Variants in EFCAB12 observed in about 807,000 individuals in gnomAD.
The protein encoded by EFCAB12 is EF-hand calcium binding domain 12, also known as EF-hand calcium-binding domain-containing protein 12.
In EFCAB12, 43 loss-of-function variants were observed where a neutral mutation model predicts 53.6. The observed-to-expected ratio is 0.80, with a 90% confidence interval of 0.63 to 1.03. The LOEUF (loss-of-function observed/expected upper bound fraction) is 1.03. Among genes scored for constraint, EFCAB12 ranks in the 50% least tolerant of loss-of-function variants. The pLI, the probability that EFCAB12 is intolerant of heterozygous loss-of-function variation, is 0.00. For missense variants in EFCAB12, 646 were observed against 730.6 expected, an observed-to-expected ratio of 0.88 and a Z score of 1.34; for synonymous variants, 269 against 289.2, an observed-to-expected ratio of 0.93 and a Z score of 0.71.
Position 129,421,620 on chromosome 3 carries a change from T to C in EFCAB12, c.233A>G (p.Gln78Arg), listed in dbSNP as rs747302131. ...QTPLNPASQP[Q>R]APPKPIPSFK... ...GCTGGGGATGGGCTTTGGGGGAGCC[T>C]GAGGTTGGGATGCAGGATTAAGGGG... Residue 78 changes from glutamine to arginine, a missense_variant, in exon 2 of 9, where the codon CAG becomes CGG. Gln to Arg is a conservative substitution (Grantham distance 43). Coordinates refer to ENST00000505956, the MANE Select transcript of EFCAB12 (RefSeq NM_207307.3). 6.2e-7 allele frequency: 1 copy of C among 1,613,932 alleles called. No homozygotes were observed. The highest frequency in any genetic ancestry group is 1.1e-5 in the South Asian group (1 of 91,080).
chr3:129,402,455 G>T, intron 8 of EFCAB12, 68 bp downstream of exon 8: 1 of 1,531,746 alleles, frequency 6.5e-7, no homozygotes, highest in Non-Finnish European at 8.9e-7. Context: ...CAGAGTCCCA[G>T]TTGTCTCAGG....
At chr3:129,420,257 G>A (rs959407409) in intron 2 of EFCAB12, among the ~76,000 whole-genome samples, 1 of 152,096 alleles carries the variant, frequency 6.6e-6, no homozygotes. Flanking sequence ...GCCCAATAGC[G>A]TCCTAGGCAC....
chr3:129,418,490 GGA>G (rs1275724200), intron 2 of EFCAB12, 42 bp from the exon 3 acceptor site: 17 of 1,537,200 alleles, frequency 1.1e-5, no homozygotes, highest in Non-Finnish European at 1.5e-5. Context: ...AGAGTTCAAA[GGA>G]GACAGGCCAG....
chr3:129,411,554 G>A (rs901303230), intron 4 of EFCAB12, 200 bp from the exon 5 acceptor site: 8 of 497,178 alleles, frequency 1.6e-5, no homozygotes, highest in African/African-American at 4.0e-5. Flanking sequence ...CACTAATGGC[G>A]TCCCTTACTG....
Position 129,418,404 on chromosome 3 carries a change from G to A in EFCAB12, c.531C>T (p.Pro177=). ...RLSRLSRQMV[P]QLQLPEPPAL... ...CAGGGGGCTCGGGCAGCTGGAGCTG[G>A]GGCACCATCTGGCGGGACAGCCGGG... Residue 177 remains proline, a synonymous_variant, in exon 3 of 9, where the codon CCC becomes CCT. Coordinates refer to ENST00000505956, the MANE Select transcript of EFCAB12 (RefSeq NM_207307.3). 6.2e-7 allele frequency: 1 copy of A among 1,613,294 alleles called. No individual in the cohort carries two copies. Among genetic ancestry groups the A allele is most frequent in the East Asian group, 2.2e-5 (1 of 44,860 alleles).
intron 5 of EFCAB12, 78 bp downstream of exon 5, chr3:129,411,080 G>A: frequency 2.7e-6 from 4 of 1,467,160 alleles, no homozygotes; most frequent in Non-Finnish European, 3.7e-6. Flanking sequence ...GCAGCCAGCG[G>A]GTGGTGCTGC....
chr3:129,401,400 ATTC>A lies in EFCAB12; in HGVS notation c.*190_*192del. ...GGGAAATAGTCAAAAACTGCACGTC[ATTC>A]CTTGGACACATCTACCCTCTGAGAC... On this transcript the variant is annotated 3_prime_UTR_variant, in exon 9 of 9. Transcript: ENST00000505956. 1.5e-6 allele frequency: 1 copy of A among 671,010 alleles called. No individual in the cohort carries two copies. The allele number at this position is 671,010 out of a possible 1,614,324, so 41.6% of individuals were successfully genotyped here. A position where few individuals can be genotyped will look rare whatever the true frequency, so the allele number is the denominator to read the frequency against.
Position 129,415,346 on chromosome 3 carries a change from G to A in EFCAB12, c.737C>T (p.Ser246Phe), listed in dbSNP as rs370395767. The change falls in exon 4 of 9, where the codon TCT (serine) becomes TTT (phenylalanine). Residue 246 changes from serine (S) to phenylalanine (F), a missense_variant. Ser to Phe is a radical substitution (Grantham distance 155, BLOSUM62 -2). Transcript: ENST00000505956. ...EVEDIVIYLSSLGKHNTITMD... is the reference protein window; with the variant it reads ...EVEDIVIYLSFLGKHNTITMD... ...GGTGATGGTGTTGTGCTTCCCAAGA[G>A]AGCTGAGGTAGATCACTATATCCTC... 1.9e-6 allele frequency: 3 copies of A among 1,613,692 alleles called. No homozygotes were observed. Among genetic ancestry groups the A allele is most frequent in the Non-Finnish European group, 2.5e-6 (3 of 1,179,872 alleles).
chr3:129,421,867 G>A, intron 1 of EFCAB12, 64 bp from the exon 2 acceptor site: 1 of 1,479,652 alleles, frequency 6.8e-7, no homozygotes, highest in South Asian at 1.3e-5. Context: ...AGCCAGGAAG[G>A]AAAAACACTT....
intron 2 of EFCAB12, among the ~76,000 whole-genome samples, chr3:129,420,568 G>A (rs1389334169): frequency 1.3e-5 from 2 of 152,058 alleles, no homozygotes; most frequent in African/African-American, 2.4e-5. Flanking sequence ...CCTCACAATC[G>A]TCATCCTCAC....
At chr3:129,405,265 G>A (rs554782071) in intron 6 of EFCAB12, among the ~76,000 whole-genome samples, 1 of 152,320 alleles carries the variant, frequency 6.6e-6, no homozygotes, top group African/African-American at 2.4e-5. Context: ...CTTGTCTTAA[G>A]CTGGTAACAC....
intron 8 of EFCAB12, among the ~76,000 whole-genome samples, 182 bp downstream of exon 8, chr3:129,402,341 G>A (rs146833637): frequency 6.6e-6 from 1 of 152,298 alleles, no homozygotes; most frequent in Admixed American, 6.5e-5. Flanking sequence ...ATCTGAGTGA[G>A]TGAACACATG....
chr3:129,421,165 T>C (rs1455854454), intron 2 of EFCAB12, among the ~76,000 whole-genome samples: 3 of 152,262 alleles, frequency 2.0e-5, no homozygotes, highest in Non-Finnish European at 2.9e-5. Context: ...TGATCATAAA[T>C]ATTTGTTGCT....
Position 129,408,741 on chromosome 3 carries a change from C to A in EFCAB12, c.1153G>T (p.Asp385Tyr). ...TIHGDMRELI[D>Y]SARRHNFLVY... ...AGAAAGTTGTGCCTGCGGGCCGAGTCAATGAGCTCCCTCATATCCCCGTGG... is the reference window on the plus strand; with the variant it reads ...AGAAAGTTGTGCCTGCGGGCCGAGTAAATGAGCTCCCTCATATCCCCGTGG... The change falls in exon 6 of 9, where the codon GAC (aspartate) becomes TAC (tyrosine). Residue 385 changes from aspartate (D) to tyrosine (Y), a missense_variant. Transcript: ENST00000505956. 6.3e-7 allele frequency: 1 copy of A among 1,584,424 alleles called. No individual in the cohort carries two copies. The highest frequency in any genetic ancestry group is 8.6e-7 in the Non-Finnish European group (1 of 1,164,200).
At position 129,408,758 on chromosome 3, in the gene EFCAB12, T is replaced by G; in HGVS notation, c.1136A>C (p.Asp379Ala). 6.3e-7 allele frequency: 1 copy of G among 1,579,938 alleles called. No homozygotes were observed. Among genetic ancestry groups the G allele is most frequent in the Non-Finnish European group, 8.6e-7 (1 of 1,161,266 alleles). Residue 379 changes from aspartate (D) to alanine (A), a missense_variant, in exon 6 of 9, where the codon GAT (aspartate) becomes GCT (alanine). Coordinates refer to ENST00000505956, the MANE Select transcript of EFCAB12 (RefSeq NM_207307.3). ...GGCCGAGTCAATGAGCTCCCTCATA[T>G]CCCCGTGGATGGTGGACGGGAGGCA... ...EHCLPSTIHGDMRELIDSARR... is the reference protein window; with the variant it reads ...EHCLPSTIHGAMRELIDSARR...
chr3:129,404,301 T>C lies in EFCAB12; in HGVS notation c.1352A>G (p.Asn451Ser). The change falls in exon 7 of 9, where the codon AAT becomes AGT. Residue 451 changes from asparagine to serine, a missense_variant. Transcript: ENST00000505956. ...YYSDWKVFSP[N>S]LALLRSQGPG... ...GCCCTGGGACCGGAGCAGAGCCAGA[T>C]TCGGAGAAAAGACCTTCCAGTCAGA... is the stretch of plus-strand genomic sequence containing the variant. 1.9e-6 allele frequency: 3 copies of C among 1,613,844 alleles called. No individual in the cohort carries two copies. Among genetic ancestry groups the C allele is most frequent in the Non-Finnish European group, 2.5e-6 (3 of 1,179,854 alleles).
chr3:129,411,381 A>G, intron 4 of EFCAB12, 27 bp from the exon 5 acceptor site: 1 of 1,542,618 alleles, frequency 6.5e-7, no homozygotes. Context: ...GAGATGAAGG[A>G]AGGAGGGACT....
chr3:129,404,008 TG>T, intron 7 of EFCAB12: 2 of 446,940 alleles, frequency 4.5e-6, no homozygotes, highest in Non-Finnish European at 8.0e-6. Context: ...TGTGCAGGAC[TG>T]GGGTCAGGAG....
chr3:129,415,371 C>T lies in EFCAB12; in HGVS notation c.712G>A (p.Glu238Lys). ...GAGCTGAGGTAGATCACTATATCCT[C>T]CACCTCTTGGTTCTTCAGAGGGACT... Reference protein sequence around the residue: ...VGVPLKNQEVEDIVIYLSSLG... With the variant: ...VGVPLKNQEVKDIVIYLSSLG... Residue 238 changes from glutamate (E) to lysine (K), a missense_variant, in exon 4 of 9, where the codon GAG becomes AAG. Coordinates refer to ENST00000505956, the MANE Select transcript of EFCAB12 (RefSeq NM_207307.3). The T allele has an allele frequency of 6.2e-7, 1 of 1,613,780 alleles. No individual in the cohort carries two copies. Among genetic ancestry groups the T allele is most frequent in the Non-Finnish European group, 8.5e-7 (1 of 1,179,844 alleles).
Sources: gnomAD v4.1 joint callset for allele counts (sites outside exome capture counted in the v4.1 genomes callset) on GRCh38, gnomAD v4.1.1 for gene constraint, MANE v1.5 for transcripts, NCBI Gene and HGNC (gene_info 2026-07-23, HGNC 2026-07-21) for gene names.